RPS6KA2: variants seen among roughly 807,000 people sequenced by gnomAD.
RPS6KA2 encodes ribosomal protein S6 kinase A2, also known as ribosomal protein S6 kinase alpha-2.
Under a neutral mutation model 91.8 loss-of-function variants are expected in RPS6KA2, and 42 were observed. That is an observed-to-expected ratio of 0.46 (90% CI 0.36 to 0.59). The LOEUF is 0.59. RPS6KA2 is among the 20% of genes least tolerant of loss of function. The pLI, the probability that RPS6KA2 is intolerant of heterozygous loss-of-function variation, is 0.00. For missense variants in RPS6KA2, 798 were observed against 978.5 expected, an observed-to-expected ratio of 0.82 and a Z score of 2.46; for synonymous variants, 414 against 393.6, an observed-to-expected ratio of 1.05 and a Z score of -0.61.
At position 166,494,284 on chromosome 6, in the gene RPS6KA2, C is replaced by T. The variant is rs554614609; in HGVS notation, c.748-3543G>A. On this transcript the variant is annotated intron_variant, in intron 8 of 20. Transcript: ENST00000265678. This position sits in a 1 kb window ranked among gnomAD's most constrained non-coding sequence, Gnocchi z 5.1. The stretch of plus-strand genomic sequence containing the variant: ...TCGCTCCGTGTGCTGCACCCCACTC[C>T]GAGTGCCAAGAATCTCAGTCTCAAA... Among the ~76,000 whole-genome samples the T allele has an allele frequency of 1.3e-5, 2 of 152,262 alleles. No homozygotes were observed. The highest frequency in any genetic ancestry group is 3.9e-4 in the East Asian group (2 of 5,158).
At chr6:166,456,461 G>A (rs1780109995) in intron 12 of RPS6KA2, among the ~76,000 whole-genome samples, 1 of 152,212 alleles carries the variant, frequency 6.6e-6, no homozygotes, top group Non-Finnish European at 1.5e-5. Context: ...TTCCTGATTT[G>A]TGGAGTCTGC....
At chr6:166,771,118 AG>A (rs1301050211) in intron 2 of RPS6KA2, among the ~76,000 whole-genome samples, 4 of 152,244 alleles carry the variant, frequency 2.6e-5, no homozygotes, top group African/African-American at 9.6e-5. Flanking sequence ...TACAGAAGAA[AG>A]GAACTTGCGA....
rs141286184 is a variant in RPS6KA2 at position 166,423,898 on chromosome 6, G to C, written c.1582-481C>G. On this transcript the variant is annotated intron_variant, in intron 16 of 20. Coordinates refer to ENST00000265678, the MANE Select transcript of RPS6KA2 (RefSeq NM_021135.6). The surrounding 1 kb of genome is among the most constrained non-coding windows in gnomAD (Gnocchi z 4.8). ...GTCCTGGGTGCAGCAACTCGTTGGG[G>C]AGACGGACCAGGGCCACGCGATCAT... 1 of 153,326 alleles carries C rather than the reference G, an allele frequency of 6.5e-6. No homozygotes were observed. Among genetic ancestry groups the C allele is most frequent in the Non-Finnish European group, 1.5e-5 (1 of 68,800 alleles). The allele number at this position is 153,326 out of a possible 1,614,324, so 9.5% of individuals were successfully genotyped here.
chr6:166,747,682 C>A (rs1180640004), intron 2 of RPS6KA2, among the ~76,000 whole-genome samples: 1 of 152,200 alleles, frequency 6.6e-6, no homozygotes, highest in African/African-American at 2.4e-5. Flanking sequence ...GGTGGCCACA[C>A]AGCATAGCTG....
intron 2 of RPS6KA2, among the ~76,000 whole-genome samples, chr6:166,728,307 C>T (rs1357149542): frequency 2.0e-5 from 3 of 152,230 alleles, no homozygotes; most frequent in Admixed American, 6.5e-5. Flanking sequence ...CCCTGCCCCT[C>T]ATGGCAGAGA....
In RPS6KA2 at chr6:166,635,636, G is replaced by T. The variant is rs574379444; in HGVS notation, c.124-96852C>A. Among the ~76,000 whole-genome samples, 1 of 152,286 alleles carries T rather than the reference G, an allele frequency of 6.6e-6. No homozygotes were observed. The highest frequency in any genetic ancestry group is 2.1e-4 in the South Asian group (1 of 4,828). On this transcript the variant is annotated intron_variant, in intron 2 of 21. Coordinates refer to the RPS6KA2 transcript ENST00000503859. The surrounding 1 kb of genome is among the most constrained non-coding windows in gnomAD (Gnocchi z 4.8). ...GCAGAAGAGGGGTGCTAGGTCACATGGTAGAGAGCCCCATGGAGTTTACCC... is the reference window on the plus strand; with the variant it reads ...GCAGAAGAGGGGTGCTAGGTCACATTGTAGAGAGCCCCATGGAGTTTACCC...
chr6:166,817,145 A>G (rs1779785967), intron 2 of RPS6KA2, among the ~76,000 whole-genome samples: 1 of 152,210 alleles, frequency 6.6e-6, no homozygotes, highest in African/African-American at 2.4e-5. Context: ...GTTCTCTAAT[A>G]CAAGTCAGAA....
intron 3 of RPS6KA2, among the ~76,000 whole-genome samples, chr6:166,523,066 A>G (rs755039520): frequency 1.8e-4 from 27 of 152,256 alleles, no homozygotes; most frequent in Non-Finnish European, 3.4e-4. Context: ...AATGAAAAAA[A>G]TCTATTTCCT....
At chr6:166,839,151 C>T (rs531869470) in intron 2 of RPS6KA2, among the ~76,000 whole-genome samples, 3 of 152,234 alleles carry the variant, frequency 2.0e-5, no homozygotes, top group Non-Finnish European at 4.4e-5. Context: ...TTAGTTCCAG[C>T]AGCCAGAAGG....
At chr6:166,562,099 G>T (rs564873644) in intron 1 of RPS6KA2, among the ~76,000 whole-genome samples, 1 of 152,272 alleles carries the variant, frequency 6.6e-6, no homozygotes, top group Admixed American at 6.5e-5. Context: ...GATATTTTCA[G>T]AGTCCTTAGA....
intron 14 of RPS6KA2, among the ~76,000 whole-genome samples, chr6:166,447,801 A>G (rs1403656438): frequency 2.0e-5 from 3 of 152,216 alleles, no homozygotes; most frequent in African/African-American, 7.2e-5. Context: ...CGTGTGCTAC[A>G]GACGTGTCTG....
At chr6:166,815,035 C>A (rs1325935322) in intron 2 of RPS6KA2, among the ~76,000 whole-genome samples, 1 of 152,136 alleles carries the variant, frequency 6.6e-6, no homozygotes. Context: ...GGTTGGGGAC[C>A]ACTGCTTTCA....
intron 1 of RPS6KA2, among the ~76,000 whole-genome samples, chr6:166,607,140 C>CAAAA (rs35281961): frequency 2.0e-5 from 2 of 97,848 alleles, no homozygotes; most frequent in Non-Finnish European, 4.1e-5. Context: ...AAAACTCCGT[C>CAAAA]AAAAAAAAAA....
intron 2 of RPS6KA2, among the ~76,000 whole-genome samples, chr6:166,739,494 A>G (rs548029155): frequency 1.5e-4 from 23 of 152,332 alleles, no homozygotes; most frequent in African/African-American, 5.3e-4. Context: ...TGGCGTTTCT[A>G]CTGTGAGCTC....
chr6:166,645,890 A>C (rs1787587803), intron 2 of RPS6KA2, among the ~76,000 whole-genome samples: 1 of 152,236 alleles, frequency 6.6e-6, no homozygotes, highest in South Asian at 2.1e-4. Context: ...AAGTCTGGAG[A>C]AACTTGTCAG....
At chr6:166,675,874 G>A (rs567991157) in intron 2 of RPS6KA2, among the ~76,000 whole-genome samples, 25 of 152,140 alleles carry the variant, frequency 1.6e-4, no homozygotes, top group Non-Finnish European at 3.1e-4. Context: ...GGTTTTTAAA[G>A]GTCTCTGTTC....
chr6:166,757,760 C>T (rs542740090), intron 2 of RPS6KA2: 13 of 333,226 alleles, frequency 3.9e-5, no homozygotes, highest in South Asian at 2.9e-4. Flanking sequence ...ATTCCCAAGC[C>T]GGGAGTCCTG....
chr6:166,447,260 C>T (rs532495222), intron 14 of RPS6KA2, among the ~76,000 whole-genome samples: 5 of 152,334 alleles, frequency 3.3e-5, no homozygotes, highest in African/African-American at 1.2e-4. Flanking sequence ...AGTCTCCACC[C>T]AATTACAGTT....
Position 166,665,140 on chromosome 6 carries a change from G to A in RPS6KA2, c.124-126356C>T, listed in dbSNP as rs921321876. Among the ~76,000 whole-genome samples, 1 of 151,788 alleles carries A rather than the reference G, an allele frequency of 6.6e-6. No individual in the cohort carries two copies. The highest frequency in any genetic ancestry group is 2.4e-5 in the African/African-American group (1 of 41,282). On this transcript the variant is annotated intron_variant, in intron 2 of 21. Transcript: ENST00000503859. The surrounding 1 kb of genome is among the most constrained non-coding windows in gnomAD (Gnocchi z 4.5). ...AGCCTTCAGTCTCATAGCTGTCAGG[G>A]TGTTCAAGTTCTGCCTTCCATACAG... is the stretch of plus-strand genomic sequence containing the variant.
Sources: gnomAD v4.1 joint callset for allele counts (sites outside exome capture counted in the v4.1 genomes callset) on GRCh38, gnomAD v4.1.1 for gene constraint, Gnocchi (gnomAD v3.1) non-coding constraint, MANE v1.5 for transcripts, NCBI Gene and HGNC (gene_info 2026-07-23, HGNC 2026-07-21) for gene names.